Variants in RBM26 observed in about 807,000 individuals in gnomAD.
RBM26 encodes RNA-binding protein 26.
Under a neutral mutation model 123.6 loss-of-function variants are expected in RBM26, and 30 were observed. The ratio of observed to expected loss-of-function variants is 0.24; its 90% CI spans 0.18 to 0.33. The LOEUF (loss-of-function observed/expected upper bound fraction) is 0.33. Ranked by LOEUF, RBM26 falls within the 10% of genes least tolerant of loss-of-function variation. The pLI is 1.00. For synonymous variants in RBM26, 400 were observed against 404.4 expected, an observed-to-expected ratio of 0.99 and a Z score of 0.13; for missense variants, 947 against 1,203.6, an observed-to-expected ratio of 0.79 and a Z score of 3.15.
rs966725149 is a variant in RBM26 at position 79,327,326 on chromosome 13, C to T, written c.2821-4864G>A. On this transcript the variant is annotated intron_variant, in intron 20 of 21. Coordinates refer to ENST00000438737, the MANE Select transcript of RBM26 (RefSeq NM_001366735.2). ...AAAAAAAAAAAAATCCATTTCTGAT[C>T]AAAAATCTTAATGAAACAGAGTCAT... 4.7e-5 allele frequency among the ~76,000 whole-genome samples: 7 copies of T among 150,022 alleles called. 1 individual carries two copies. The highest frequency in any genetic ancestry group is 4.6e-4 in the Admixed American group (7 of 15,054).
In RBM26 at chr13:79,312,578, T is replaced by A. The variant is rs148502486; in HGVS notation, c.*2392A>T. 3 of 152,064 alleles carry A rather than the reference T, an allele frequency of 2.0e-5. No homozygotes were observed. In the East Asian group the frequency reaches 5.8e-4, roughly 29 times the overall value. 9.4% of individuals were successfully genotyped at this position (152,064 alleles called of 1,614,324 possible). ...AAAGCAGGATTACATATTTTAGTAT[T>A]AGAAAAGTTTTTCATTTGAAATAAG... On this transcript the variant is annotated 3_prime_UTR_variant, in exon 5 of 5. Transcript: ENST00000449987.
intron 19 of RBM26, 110 bp from the exon 20 acceptor site, chr13:79,334,540 T>G (rs369757717): frequency 1.5e-5 from 8 of 528,238 alleles, no homozygotes; most frequent in African/African-American, 1.4e-4. Context: ...CCAGAATACA[T>G]AACAATTCAT....
At chr13:79,341,972 TTTAG>T (rs1332703588) in intron 17 of RBM26, among the ~76,000 whole-genome samples, 1 of 151,870 alleles carries the variant, frequency 6.6e-6, no homozygotes, top group African/African-American at 2.4e-5. Context: ...GAATTTTATA[TTTAG>T]TTAGTTGTTG....
At chr13:79,337,425 A>C in intron 18 of RBM26, 123 bp from the exon 19 acceptor site, 1 of 1,102,044 alleles carries the variant, frequency 9.1e-7, no homozygotes, top group Non-Finnish European at 1.3e-6. Context: ...TGCCCTATAA[A>C]AGGATCACAT....
At chr13:79,314,619 G>C, downstream of RBM26, 1 of 152,140 alleles carries the variant, frequency 6.6e-6, no homozygotes, top group East Asian at 1.9e-4. Flanking sequence ...TCATGCTAAT[G>C]AACACAGTAG....
At chr13:79,389,156 A>C (rs928130300) in intron 1 of RBM26, among the ~76,000 whole-genome samples, 1 of 152,224 alleles carries the variant, frequency 6.6e-6, no homozygotes, top group Non-Finnish European at 1.5e-5. Flanking sequence ...TTACACTGAC[A>C]CACTATCTCC....
intron 19 of RBM26, among the ~76,000 whole-genome samples, chr13:79,335,135 C>T (rs2070125165): frequency 6.6e-6 from 1 of 152,014 alleles, no homozygotes; most frequent in African/African-American, 2.4e-5. Flanking sequence ...CAATACCTTC[C>T]TAATTATCCC....
intron 9 of RBM26, among the ~76,000 whole-genome samples, chr13:79,363,721 ATT>A (rs2074967255): frequency 1.3e-5 from 2 of 152,192 alleles, no homozygotes; most frequent in South Asian, 4.1e-4. Context: ...ACATGGTAAG[ATT>A]TAAATGCAAG....
rs915041102 is a variant in RBM26, at chr13:79,390,915, T to C, written c.72-12008A>G. ...AAGAGAATAGTGTAAAAGATATAGATCAATATATAAAAAGTCTAGAATAAA... is the reference window on the plus strand; with the variant it reads ...AAGAGAATAGTGTAAAAGATATAGACCAATATATAAAAAGTCTAGAATAAA... On this transcript the variant is annotated intron_variant, in intron 1 of 21. Transcript: ENST00000438737. 2.0e-5 allele frequency among the ~76,000 whole-genome samples: 3 copies of C among 152,022 alleles called. 1 individual carries two copies. The highest frequency in any genetic ancestry group is 4.4e-5 in the Non-Finnish European group (3 of 67,986).
intron 5 of RBM26, among the ~76,000 whole-genome samples, chr13:79,369,325 A>G (rs2075646319): frequency 6.6e-6 from 1 of 152,172 alleles, no homozygotes; most frequent in African/African-American, 2.4e-5. Context: ...GCAATAAAGT[A>G]TGGTTATTTT....
chr13:79,379,791 T>C (rs952523365), intron 1 of RBM26, among the ~76,000 whole-genome samples: 4 of 150,464 alleles, frequency 2.7e-5, no homozygotes, highest in Admixed American at 6.6e-5. Flanking sequence ...TAACCCACAG[T>C]GTTTTTACCG....
intron 14 of RBM26, among the ~76,000 whole-genome samples, chr13:79,350,956 G>C (rs1005612670): frequency 6.6e-6 from 1 of 152,064 alleles, no homozygotes; most frequent in South Asian, 2.1e-4. Context: ...TTCCTTAATA[G>C]GCTGTTTACG....
At chr13:79,368,378 T>C (rs1053331392) in intron 6 of RBM26, among the ~76,000 whole-genome samples, 18 of 152,230 alleles carry the variant, frequency 1.2e-4, no homozygotes, top group African/African-American at 4.3e-4. Flanking sequence ...TTTACATTTC[T>C]AGATACATTT....
downstream of RBM26, among the ~76,000 whole-genome samples, chr13:79,316,545 G>A (rs558282009): frequency 7.2e-5 from 11 of 151,810 alleles, no homozygotes; most frequent in Non-Finnish European, 1.6e-4. Context: ...GTGAAGTCCT[G>A]TCTTTAAACT....
At chr13:79,352,517 G>A (rs1055871905) in intron 14 of RBM26, among the ~76,000 whole-genome samples, 6 of 150,456 alleles carry the variant, frequency 4.0e-5, no homozygotes, top group African/African-American at 1.5e-4. Flanking sequence ...TCCATAAATG[G>A]TCTTGATTTA....
intron 19 of RBM26, among the ~76,000 whole-genome samples, chr13:79,335,786 A>G (rs2070262062): frequency 6.6e-6 from 1 of 152,148 alleles, no homozygotes; most frequent in Non-Finnish European, 1.5e-5. Flanking sequence ...TGTTTGGATT[A>G]TTTTAGCACA....
intron 14 of RBM26, among the ~76,000 whole-genome samples, chr13:79,346,575 C>T (rs2072374090): frequency 6.6e-6 from 1 of 152,068 alleles, no homozygotes. Context: ...GGTTTCTCGC[C>T]ATGTTGCCCA....
At chr13:79,327,796 G>C (rs1464741785) in intron 20 of RBM26, among the ~76,000 whole-genome samples, 2 of 152,132 alleles carry the variant, frequency 1.3e-5, no homozygotes, top group Non-Finnish European at 2.9e-5. Flanking sequence ...GTGGGAGACA[G>C]ATGAGGGTTG....
chr13:79,342,575 T>C (rs2071597601), intron 17 of RBM26, 89 bp downstream of exon 17: 1 of 1,045,634 alleles, frequency 9.6e-7, no homozygotes, highest in Non-Finnish European at 1.4e-6. Context: ...GAACAGAAGA[T>C]ATTACCTACA....
Sources: allele counts gnomAD v4.1 joint callset (sites outside exome capture counted in the v4.1 genomes callset), GRCh38; gene constraint gnomAD v4.1.1; transcripts MANE v1.5; gene names NCBI Gene and HGNC (gene_info 2026-07-23, HGNC 2026-07-21).